Variants in METTL8 observed in about 807,000 individuals in gnomAD.
METTL8 encodes the protein tRNA N(3)-cytidine methyltransferase METTL8, mitochondrial.
A neutral mutation model predicts 48.7 loss-of-function variants in METTL8; 32 were observed. That is an observed-to-expected ratio of 0.66 (90% CI 0.50 to 0.88). METTL8 has a LOEUF of 0.88. Ranked by LOEUF, METTL8 falls within the 40% of genes least tolerant of loss-of-function variation. The pLI, the probability that METTL8 is intolerant of heterozygous loss-of-function variation, is 0.00. For missense variants in METTL8, 464 were observed against 474.4 expected (o/e 0.98, Z 0.20); for synonymous variants, 136 against 157.1 (o/e 0.87, Z 1.01).
chr2:171,429,757 C>T (rs781619687), intron 1 of METTL8, among the ~76,000 whole-genome samples: 1 of 152,102 alleles, frequency 6.6e-6, no homozygotes, highest in African/African-American at 2.4e-5. Context: ...AAATACTGCT[C>T]AGCCAGGCGT....
intron 7 of METTL8, among the ~76,000 whole-genome samples, chr2:171,326,836 C>G (rs1269913038): frequency 6.6e-6 from 1 of 152,194 alleles, no homozygotes; most frequent in Non-Finnish European, 1.5e-5. Context: ...ATTATTCTCC[C>G]TGTCAATCCT....
chr2:171,331,185 A>T (rs1279452794), intron 6 of METTL8, among the ~76,000 whole-genome samples: 1 of 152,134 alleles, frequency 6.6e-6, no homozygotes, highest in African/African-American at 2.4e-5. Context: ...ATCTTGGCTC[A>T]CTGCAACCTC....
Position 171,330,679 on chromosome 2 carries a change from G to A in METTL8, c.740C>T (p.Ala247Val). Residue 247 changes from alanine (A) to valine (V), a missense_variant, in exon 7 of 10, where the codon GCA becomes GTA. By Grantham distance (64) the Ala-to-Val change is moderately conservative. Transcript: ENST00000375258. ...ATGAACAAAGGCAAAACACTGGGTT[G>A]CTCTGTAGGACGAGTGTGACTGTCA... ...ELVKSHSSYR[A>V]TQCFAFVHDV... 2.5e-6 allele frequency: 4 copies of A among 1,612,916 alleles called. No homozygotes were observed. The highest frequency in any genetic ancestry group is 2.5e-6 in the Non-Finnish European group (3 of 1,179,652).
intron 1 of METTL8, among the ~76,000 whole-genome samples, chr2:171,392,959 A>T (rs1385677802): frequency 2.0e-5 from 3 of 148,218 alleles, no homozygotes; most frequent in African/African-American, 7.5e-5. Context: ...AAAAAAAATT[A>T]TCCAGGAGTG....
intron 3 of METTL8, among the ~76,000 whole-genome samples, chr2:171,346,601 A>G (rs1265781921): frequency 6.6e-6 from 1 of 152,164 alleles, no homozygotes; most frequent in Non-Finnish European, 1.5e-5. Context: ...AAAGTGAGAT[A>G]AGATCAGTAA....
chr2:171,329,996 T>C (rs189023234), intron 7 of METTL8, among the ~76,000 whole-genome samples: 2 of 152,350 alleles, frequency 1.3e-5, no homozygotes, highest in Admixed American at 6.5e-5. Context: ...TTTAAAACAC[T>C]GTATGAAACT....
intron 3 of METTL8, among the ~76,000 whole-genome samples, chr2:171,357,154 T>C (rs1347750423): frequency 1.3e-5 from 2 of 151,920 alleles, no homozygotes; most frequent in Admixed American, 1.3e-4. Flanking sequence ...AGATAGGGTT[T>C]CACCATGTTG....
chr2:171,375,384 C>A (rs1686858394), intron 2 of METTL8: 2 of 620,280 alleles, frequency 3.2e-6, no homozygotes, highest in Non-Finnish European at 5.7e-6. Context: ...AAATAAACTG[C>A]CAAGTTGTAT....
chr2:171,335,750 A>G (rs916447631), intron 5 of METTL8, among the ~76,000 whole-genome samples: 3 of 152,146 alleles, frequency 2.0e-5, no homozygotes, highest in African/African-American at 7.2e-5. Context: ...TTTTAATAAT[A>G]AAAAGTTTAA....
intron 2 of METTL8, among the ~76,000 whole-genome samples, chr2:171,385,724 G>C (rs1339388287): frequency 2.0e-5 from 3 of 152,222 alleles, no homozygotes; most frequent in African/African-American, 7.2e-5. Context: ...AGAGCCCTAA[G>C]GGTCCTCTTG....
intron 2 of METTL8, among the ~76,000 whole-genome samples, chr2:171,382,800 C>T (rs993952133): frequency 1.3e-5 from 2 of 152,100 alleles, no homozygotes; most frequent in African/African-American, 2.4e-5. Context: ...GGGCCAGACG[C>T]GGTGGCTCAC....
chr2:171,355,351 T>C (rs1397593652), intron 3 of METTL8, among the ~76,000 whole-genome samples: 4 of 152,116 alleles, frequency 2.6e-5, no homozygotes, highest in African/African-American at 9.7e-5. Context: ...GAGGGGTACC[T>C]GTCCGTATGA....
intron 2 of METTL8, among the ~76,000 whole-genome samples, chr2:171,388,351 T>G (rs1466457657): frequency 6.6e-6 from 1 of 152,204 alleles, no homozygotes; most frequent in Non-Finnish European, 1.5e-5. Context: ...TGCCTTATAC[T>G]TCAGCTATGA....
At chr2:171,428,558 C>T (rs1380522937) in intron 1 of METTL8, among the ~76,000 whole-genome samples, 1 of 151,762 alleles carries the variant, frequency 6.6e-6, no homozygotes, top group Admixed American at 6.6e-5. Context: ...TTTTTATAGC[C>T]CATTCATTTA....
Position 171,383,651 on chromosome 2 carries a change from T to G in METTL8, c.143+8392A>C, listed in dbSNP as rs77056399. On this transcript the variant is annotated intron_variant, in intron 2 of 9. Transcript: ENST00000375258. Reference sequence around the variant, plus strand: ...TTACTTATAAATGGCCGAGATCCCTTGAAAAGTTTCTATATGCTTAAACCA... The same window carrying G: ...TTACTTATAAATGGCCGAGATCCCTGGAAAAGTTTCTATATGCTTAAACCA... Among the ~76,000 whole-genome samples the G allele has an allele frequency of 1.4e-3, 214 of 152,308 alleles. 4 individuals are homozygous for G. The East Asian group carries it at 0.015, about 11-fold the overall frequency.
chr2:171,326,191 T>C (rs776031708), intron 7 of METTL8, 43 bp from the exon 8 acceptor site: 2 of 1,089,504 alleles, frequency 1.8e-6, no homozygotes, highest in African/African-American at 1.6e-5. Flanking sequence ...TTTGTAGAAA[T>C]CTTGTTTTAT....
At chr2:171,353,975 G>A (rs1684243089) in intron 3 of METTL8, among the ~76,000 whole-genome samples, 2 of 152,238 alleles carry the variant, frequency 1.3e-5, no homozygotes, top group Admixed American at 1.3e-4. Context: ...GGTTAATATT[G>A]TTATGTGTGA....
chr2:171,339,676 T>G (rs566596173), intron 3 of METTL8, 122 bp from the exon 4 acceptor site: 1 of 466,540 alleles, frequency 2.1e-6, no homozygotes, highest in East Asian at 3.3e-5. Context: ...TACAAATGAA[T>G]AACTTTAATA....
chr2:171,392,252 ATCTAATACCCAAAACCT>A, intron 1 of METTL8, 55 bp from the exon 2 acceptor site: 1 of 1,422,068 alleles, frequency 7.0e-7, no homozygotes, highest in Non-Finnish European at 9.5e-7. Flanking sequence ...TGTATTGTTT[ATCTAATACCCAAAACCT>A]GGTTCTAAAG....
Sources: allele counts gnomAD v4.1 joint callset (sites outside exome capture counted in the v4.1 genomes callset), GRCh38; gene constraint gnomAD v4.1.1; transcripts MANE v1.5; gene names NCBI Gene and HGNC (gene_info 2026-07-23, HGNC 2026-07-21).